LRRC4C: variants seen among roughly 807,000 people sequenced by gnomAD.
LRRC4C encodes the protein leucine-rich repeat-containing protein 4C.
Under a neutral mutation model 33.6 loss-of-function variants are expected in LRRC4C, and 5 were observed. That is an observed-to-expected ratio of 0.15 (90% confidence interval 0.08 to 0.31). LRRC4C has a LOEUF of 0.31. Among genes scored for constraint, LRRC4C ranks in the 10% least tolerant of loss-of-function variants. The pLI is 1.00. For missense variants in LRRC4C, 560 were observed against 796.7 expected, an observed-to-expected ratio of 0.70 and a Z score of 3.58; for synonymous variants, 329 against 302.0, an observed-to-expected ratio of 1.09 and a Z score of -0.93.
At chr11:40,845,792 C>T (rs376720989) in intron 2 of LRRC4C, among the ~76,000 whole-genome samples, 9 of 152,244 alleles carry the variant, frequency 5.9e-5, no homozygotes, top group African/African-American at 2.2e-4. Context: ...TTTACGCTAC[C>T]ATCAACAGTG....
intron 1 of LRRC4C, among the ~76,000 whole-genome samples, chr11:41,182,788 T>G (rs756939598): frequency 6.6e-6 from 1 of 151,886 alleles, no homozygotes; most frequent in Non-Finnish European, 1.5e-5. Context: ...ATTTACATAT[T>G]ATTACTATAT....
intron 6 of LRRC4C, among the ~76,000 whole-genome samples, chr11:40,123,271 A>G (rs1855968004): frequency 6.6e-6 from 1 of 152,134 alleles, no homozygotes; most frequent in Non-Finnish European, 1.5e-5. Context: ...AGACATGACA[A>G]ATAAAGGACA....
chr11:40,685,999 T>C (rs193068691), intron 2 of LRRC4C, among the ~76,000 whole-genome samples: 340 of 151,844 alleles, frequency 2.2e-3, no homozygotes, highest in Non-Finnish European at 4.0e-3. Context: ...GGATGGGACA[T>C]TGTGAAGAAG....
intron 5 of LRRC4C, among the ~76,000 whole-genome samples, chr11:40,212,214 C>T (rs566724494): frequency 9.9e-5 from 15 of 152,208 alleles, no homozygotes; most frequent in African/African-American, 2.9e-4. Flanking sequence ...ATTGTATCAT[C>T]ATTGTTCTTG....
At chr11:40,193,473 G>T (rs1862011957) in intron 5 of LRRC4C, among the ~76,000 whole-genome samples, 1 of 152,170 alleles carries the variant, frequency 6.6e-6, no homozygotes, top group African/African-American at 2.4e-5. Flanking sequence ...AAGACCAAAG[G>T]TAGATAAATT....
chr11:40,151,884 A>C (rs1444540649), intron 5 of LRRC4C, among the ~76,000 whole-genome samples: 1 of 152,208 alleles, frequency 6.6e-6, no homozygotes, highest in Non-Finnish European at 1.5e-5. Context: ...GCTTATTTTA[A>C]AGTAAACTAA....
chr11:40,766,159 A>T (rs1310873935), intron 2 of LRRC4C, among the ~76,000 whole-genome samples: 1 of 151,442 alleles, frequency 6.6e-6, no homozygotes, highest in Non-Finnish European at 1.5e-5. Flanking sequence ...ATAGGCCAGG[A>T]GAGAGAAAGT....
chr11:40,490,292 GC>G (rs1392464120), intron 3 of LRRC4C, among the ~76,000 whole-genome samples: 2 of 152,068 alleles, frequency 1.3e-5, no homozygotes, highest in Non-Finnish European at 2.9e-5. Flanking sequence ...ATTAGATAAA[GC>G]ACTCATCTGC....
At chr11:40,890,029 C>A (rs1439918414) in intron 2 of LRRC4C, among the ~76,000 whole-genome samples, 1 of 152,040 alleles carries the variant, frequency 6.6e-6, no homozygotes, top group Non-Finnish European at 1.5e-5. Context: ...AGACCAGAAA[C>A]ACCTTTTAAT....
At chr11:40,839,707 C>T (rs984337977) in intron 2 of LRRC4C, among the ~76,000 whole-genome samples, 6 of 152,118 alleles carry the variant, frequency 3.9e-5, no homozygotes, top group African/African-American at 1.4e-4. Context: ...GGAAAGGATC[C>T]TTGTGGTTAA....
intron 3 of LRRC4C, among the ~76,000 whole-genome samples, chr11:40,518,470 A>G (rs1955664621): frequency 1.3e-5 from 2 of 152,234 alleles, no homozygotes; most frequent in Admixed American, 1.3e-4. Flanking sequence ...ACTTTTCAAA[A>G]GAAGCCATTT....
intron 2 of LRRC4C, among the ~76,000 whole-genome samples, chr11:40,751,781 G>A (rs1565014657): frequency 1.3e-5 from 2 of 151,924 alleles, no homozygotes; most frequent in Admixed American, 1.3e-4. Context: ...AACCAAAAAG[G>A]AGCCTAAATA....
chr11:40,441,691 T>G (rs2137970285), intron 3 of LRRC4C, among the ~76,000 whole-genome samples: 1 of 152,292 alleles, frequency 6.6e-6, no homozygotes, highest in South Asian at 2.1e-4. Context: ...TATCTGAGTT[T>G]TTTGAAGTCT....
At chr11:40,344,319 T>C (rs1947020958) in intron 3 of LRRC4C, among the ~76,000 whole-genome samples, 1 of 152,122 alleles carries the variant, frequency 6.6e-6, no homozygotes. Flanking sequence ...AAGTAAGCTT[T>C]ATCCCTGGCA....
intron 2 of LRRC4C, among the ~76,000 whole-genome samples, chr11:40,726,068 T>G (rs1297377707): frequency 2.7e-5 from 4 of 149,836 alleles, no homozygotes; most frequent in Non-Finnish European, 5.9e-5. Context: ...CCTAGAAACA[T>G]AAAACTTCCT....
At chr11:40,893,684 CA>C (rs750740120) in intron 2 of LRRC4C, among the ~76,000 whole-genome samples, 48 of 152,090 alleles carry the variant, frequency 3.2e-4, no homozygotes, top group African/African-American at 1.1e-3. Flanking sequence ...GCTGGATCTA[CA>C]AAATGCTTAC....
At position 40,828,489 on chromosome 11, in the gene LRRC4C, T is replaced by C. The variant is rs150692992; in HGVS notation, c.-407+105146A>G. On this transcript the variant is annotated intron_variant, in intron 2 of 6. Coordinates refer to ENST00000528697, the MANE Select transcript of LRRC4C (RefSeq NM_001258419.2). ...TTATATATATTTAGATAATATAAAG[T>C]TTTTAGCTGTGCTTTAGTCTTTGAC... Among the ~76,000 whole-genome samples the C allele has an allele frequency of 6.2e-3, 939 of 151,930 alleles. 5 individuals carry two copies. The highest frequency in any genetic ancestry group is 0.022 in the African/African-American group (895 of 41,510).
At chr11:40,362,996 G>A (rs1347200902) in intron 3 of LRRC4C, among the ~76,000 whole-genome samples, 1 of 152,156 alleles carries the variant, frequency 6.6e-6, no homozygotes, top group Non-Finnish European at 1.5e-5. Context: ...CATTGTGGAA[G>A]ACAGTGTAGT....
intron 3 of LRRC4C, among the ~76,000 whole-genome samples, chr11:40,455,112 A>G (rs1952071152): frequency 1.3e-5 from 2 of 152,202 alleles, no homozygotes; most frequent in Non-Finnish European, 2.9e-5. Flanking sequence ...TGAAAAGAGT[A>G]AGTGAGCGCC....
Sources: allele counts gnomAD v4.1 joint callset (sites outside exome capture counted in the v4.1 genomes callset), GRCh38; gene constraint gnomAD v4.1.1; transcripts MANE v1.5; gene names NCBI Gene and HGNC (gene_info 2026-07-23, HGNC 2026-07-21).